Variants in KLF11 observed in about 807,000 individuals in gnomAD.
The protein encoded by KLF11 is KLF transcription factor 11.
A neutral mutation model predicts 29.9 loss-of-function variants in KLF11; 26 were observed. The observed-to-expected ratio is 0.87, with a 90% confidence interval of 0.64 to 1.21. The LOEUF is 1.21. KLF11 is among the 50% of genes most tolerant of loss of function. KLF11 has a pLI of 0.00. For missense variants in KLF11, 778 were observed against 665.7 expected, an observed-to-expected ratio of 1.17 and a Z score of -1.86; for synonymous variants, 318 against 257.4, an observed-to-expected ratio of 1.24 and a Z score of -2.25.
rs1330187669 is a variant in KLF11 at position 10,043,729 on chromosome 2, G to T, written c.13G>T (p.Asp5Tyr). The T allele has an allele frequency of 5.8e-6, 8 of 1,381,670 alleles. No individual in the cohort carries two copies. Among genetic ancestry groups the T allele is most frequent in the Non-Finnish European group, 7.6e-6 (8 of 1,052,824 alleles). The allele number at this position is 1,381,670 out of a possible 1,614,324, so 85.6% of individuals were successfully genotyped here. A position where few individuals can be genotyped will look rare whatever the true frequency, so the allele number is the denominator to read the frequency against. The part of the protein sequence containing the change: MHTP[D>Y]FAGPDDARAV... ...GCCGGCCTGCACGATGCACACGCCG[G>T]ACTTCGCAGGCCCAGACGACGCGCG... Residue 5 changes from aspartate (D) to tyrosine (Y), a missense_variant, in exon 1 of 4, where the codon GAC (aspartate) becomes TAC (tyrosine). By Grantham distance (160) the Asp-to-Tyr change is radical (BLOSUM62 -3). Transcript: ENST00000305883.
In KLF11 at chr2:10,052,445, A is replaced by T. The variant is rs778154692; in HGVS notation, c.1477A>T (p.Asn493Tyr). The T allele has an allele frequency of 6.2e-7, 1 of 1,614,148 alleles. No individual in the cohort carries two copies. The highest frequency in any genetic ancestry group is 1.1e-5 in the South Asian group (1 of 91,078). ...PGWQAEVGKL[N>Y]RIASAESPGS... ...CTGGCAGGCAGAGGTTGGCAAGCTG[A>T]ACAGAATCGCCTCTGCAGAGAGCCC... The change falls in exon 4 of 4, where the codon AAC (asparagine) becomes TAC (tyrosine). Residue 493 changes from asparagine (N) to tyrosine (Y), a missense_variant. Asn to Tyr is a moderately radical substitution (Grantham distance 143). Coordinates refer to ENST00000305883, the MANE Select transcript of KLF11 (RefSeq NM_003597.5).
Position 10,047,827 on chromosome 2 carries a change from C to T in KLF11, c.490C>T (p.Pro164Ser). 1 of 1,613,744 alleles carries T rather than the reference C, an allele frequency of 6.2e-7. No homozygotes were observed. Among genetic ancestry groups the T allele is most frequent in the Admixed American group, 1.7e-5 (1 of 60,030 alleles). The change falls in exon 3 of 4, where the codon CCC becomes TCC. Residue 164 changes from proline to serine, a missense_variant. Physicochemically the swap from Pro to Ser is moderately conservative, Grantham distance 74. Transcript: ENST00000305883. ...GGGCTTGCTGGGTTTGGAGCCAGTG[C>T]CCAGCTCTCCCTGCAGGGCCAAGGG... is the stretch of plus-strand genomic sequence containing the variant. ...ERGLLGLEPV[P>S]SSPCRAKGTS...
In KLF11 at chr2:10,043,765, G is replaced by C; in HGVS notation, c.42+7G>C. On this transcript the variant is annotated splice_region_variant and intron_variant, in intron 1 of 3. Transcript: ENST00000305883. ...CCCAGACGACGCGCGCGCAGTGAGTGGTGGGGCTGCCGCGGCGGGACTACT... is the reference window on the plus strand; with the variant it reads ...CCCAGACGACGCGCGCGCAGTGAGTCGTGGGGCTGCCGCGGCGGGACTACT... 7.3e-7 allele frequency: 1 copy of C among 1,375,614 alleles called. No homozygotes were observed. Among genetic ancestry groups the C allele is most frequent in the Non-Finnish European group, 9.5e-7 (1 of 1,047,802 alleles). The allele number at this position is 1,375,614 out of a possible 1,614,324, so 85.2% of individuals were successfully genotyped here.
At position 10,043,603 on chromosome 2, in the gene KLF11, G is replaced by C. The variant is rs1324230342; in HGVS notation, c.-114G>C. On this transcript the variant is annotated 5_prime_UTR_variant, in exon 1 of 4. Transcript: ENST00000305883. Reference sequence around the variant, plus strand: ...GCGCGGGCGGGCGAGGCGCGTGCCGGCCGCAGGAGCTCCGGGTTGCCGCCG... The same window carrying C: ...GCGCGGGCGGGCGAGGCGCGTGCCGCCCGCAGGAGCTCCGGGTTGCCGCCG... 4 of 680,262 alleles carry C rather than the reference G, an allele frequency of 5.9e-6. No homozygotes were observed. The Admixed American group carries it at 2.6e-4, about 44-fold the overall frequency. The allele number at this position is 680,262 out of a possible 1,614,324, so 42.1% of individuals were successfully genotyped here. A position where few individuals can be genotyped will look rare whatever the true frequency, so the allele number is the denominator to read the frequency against.
At chr2:10,043,801 AG>A (rs1342955341) in intron 1 of KLF11, 43 bp downstream of exon 1, 1 of 1,331,910 alleles carries the variant, frequency 7.5e-7, no homozygotes, top group Non-Finnish European at 9.8e-7. Context: ...CGTCTGAGCG[AG>A]GGGCGAGGCG....
intron 1 of KLF11, chr2:10,044,555 C>T (rs1661120016): frequency 8.7e-6 from 4 of 457,344 alleles, no homozygotes; most frequent in South Asian, 9.3e-5. Context: ...CTTGTTTGAT[C>T]TCGGGGAACC....
chr2:10,052,456 C>T lies in KLF11; in HGVS notation c.1488C>T (p.Ala496=), dbSNP rs1469442357. 1.2e-6 allele frequency: 2 copies of T among 1,614,168 alleles called. No homozygotes were observed. The highest frequency in any genetic ancestry group is 1.1e-5 in the South Asian group (1 of 91,090). Reference sequence around the variant, plus strand: ...AGGTTGGCAAGCTGAACAGAATCGCCTCTGCAGAGAGCCCGGGGAGCCCAC... The same window carrying T: ...AGGTTGGCAAGCTGAACAGAATCGCTTCTGCAGAGAGCCCGGGGAGCCCAC... ...QAEVGKLNRI[A]SAESPGSPLV... Residue 496 remains alanine, a synonymous_variant, in exon 4 of 4, where the codon GCC becomes GCT. Transcript: ENST00000305883.
intron 2 of KLF11, 100 bp downstream of exon 2, chr2:10,046,519 C>G: frequency 7.5e-7 from 1 of 1,336,600 alleles, no homozygotes; most frequent in Non-Finnish European, 1.1e-6. Flanking sequence ...GGGATGCTGG[C>G]AAATAAGTTG....
chr2:10,050,707 C>CA (rs1661376909), intron 3 of KLF11, among the ~76,000 whole-genome samples: 1 of 151,808 alleles, frequency 6.6e-6, no homozygotes, highest in African/African-American at 2.4e-5. Context: ...GACTCCGTCT[C>CA]AAAAAATAAA....
intron 1 of KLF11, 169 bp downstream of exon 1, chr2:10,043,927 G>GGCC: frequency 9.9e-7 from 1 of 1,007,422 alleles, no homozygotes; most frequent in South Asian, 4.6e-5. Context: ...GCGGGGCGGC[G>GGCC]GCCGCGACGG....
At chr2:10,043,848 C>G in intron 1 of KLF11, 90 bp downstream of exon 1, 1 of 1,239,488 alleles carries the variant, frequency 8.1e-7, no homozygotes, top group Non-Finnish European at 1.0e-6. Context: ...CCTGTAAATG[C>G]GGGAGGTGGG....
rs566593142 is a variant in KLF11, at chr2:10,048,876, C to T, written c.1258+281C>T. 6.0e-5 allele frequency among the ~76,000 whole-genome samples: 9 copies of T among 150,544 alleles called. No individual in the cohort carries two copies. The South Asian group carries it at 6.3e-4, about 11-fold the overall frequency. On this transcript the variant is annotated intron_variant, in intron 3 of 3. Coordinates refer to ENST00000305883, the MANE Select transcript of KLF11 (RefSeq NM_003597.5). ...GCTTTTAGAGTGACTTACAGTGCCC[C>T]CTTCTGTTCACATTGCAGTAGACGT...
chr2:10,048,399 T>C lies in KLF11; in HGVS notation c.1062T>C (p.Cys354=). 6.2e-7 allele frequency: 1 copy of C among 1,614,014 alleles called. No individual in the cohort carries two copies. Among genetic ancestry groups the C allele is most frequent in the Non-Finnish European group, 8.5e-7 (1 of 1,179,856 alleles). Residue 354 remains cysteine, a synonymous_variant, in exon 3 of 4, where the codon TGT becomes TGC. Coordinates refer to ENST00000305883, the MANE Select transcript of KLF11 (RefSeq NM_003597.5). ...PQGALPPPAP[C]AANVMAAGNT... ...GAGCCCTCCCTCCGCCTGCCCCCTG[T>C]GCAGCCAATGTCATGGCTGCCGGGA...
chr2:10,043,796 G>A (rs750771236), intron 1 of KLF11, 38 bp downstream of exon 1: 1 of 1,348,902 alleles, frequency 7.4e-7, no homozygotes, highest in South Asian at 1.3e-5. Context: ...CTACTCGTCT[G>A]AGCGAGGGGC....
chr2:10,047,789 G>C lies in KLF11; in HGVS notation c.452G>C (p.Gly151Ala), dbSNP rs2125278633. The stretch of plus-strand genomic sequence containing the variant: ...GCCGTAGTGGCCAGAGCTCTGAGCG[G>C]GGGCGCGGAGAGGGGCTTGCTGGGT... ...SSAVVARALS[G>A]GAERGLLGLE... Residue 151 changes from glycine to alanine, a missense_variant, in exon 3 of 4, where the codon GGG (glycine) becomes GCG (alanine). Physicochemically the swap from Gly to Ala is moderately conservative, Grantham distance 60. Coordinates refer to ENST00000305883, the MANE Select transcript of KLF11 (RefSeq NM_003597.5). The C allele has an allele frequency of 1.2e-6, 2 of 1,613,638 alleles. No individual in the cohort carries two copies. The highest frequency in any genetic ancestry group is 2.2e-5 in the South Asian group (2 of 91,076).
Position 10,054,833 on chromosome 2 carries a change from A to G in KLF11, c.*2326A>G, listed in dbSNP as rs1661506766. ...TGAATCATATAAAACTTGATTTTAC[A>G]TTGGATGTGTGTCCTGTGTCATTTA... On this transcript the variant is annotated 3_prime_UTR_variant, in exon 4 of 4. Coordinates refer to ENST00000305883, the MANE Select transcript of KLF11 (RefSeq NM_003597.5). 6.6e-6 allele frequency: 1 copy of G among 152,298 alleles called. No individual in the cohort carries two copies. The highest frequency in any genetic ancestry group is 1.5e-5 in the Non-Finnish European group (1 of 68,046). The allele number at this position is 152,298 out of a possible 1,614,324, so 9.4% of individuals were successfully genotyped here.
At chr2:10,043,950 C>A (rs1466736996) in intron 1 of KLF11, 192 bp downstream of exon 1, 1 of 972,950 alleles carries the variant, frequency 1.0e-6, no homozygotes, top group Non-Finnish European at 1.2e-6. Context: ...GCGCCCGGGT[C>A]GGCGGGGGCG....
chr2:10,043,858 G>A, intron 1 of KLF11, 100 bp downstream of exon 1: 2 of 1,176,682 alleles, frequency 1.7e-6, no homozygotes, highest in Non-Finnish European at 2.1e-6. Flanking sequence ...CGGGAGGTGG[G>A]GCGTGCAGGG....
At chr2:10,049,276 T>G (rs1260638091) in intron 3 of KLF11, among the ~76,000 whole-genome samples, 1 of 152,212 alleles carries the variant, frequency 6.6e-6, no homozygotes. Context: ...TTTTTTAGTA[T>G]TTGAAGTTTA....
Sources: allele counts gnomAD v4.1 joint callset (sites outside exome capture counted in the v4.1 genomes callset), GRCh38; gene constraint gnomAD v4.1.1; transcripts MANE v1.5; gene names NCBI Gene and HGNC (gene_info 2026-07-23, HGNC 2026-07-21).